The following SPON1 variants were observed in gnomAD, a reference collection of about 807,000 sequenced individuals.
SPON1 encodes spondin-1.
A neutral mutation model predicts 111.7 loss-of-function variants in SPON1; 52 were observed. The ratio of observed to expected loss-of-function variants is 0.47; its 90% CI spans 0.37 to 0.59. The LOEUF (loss-of-function observed/expected upper bound fraction) is 0.59. SPON1 is among the 20% of genes least tolerant of loss of function. The pLI, the probability that SPON1 is intolerant of heterozygous loss-of-function variation, is 0.00. For synonymous variants in SPON1, 410 were observed against 395.8 expected (o/e 1.04, Z -0.43); for missense variants, 957 against 1,068.5 (o/e 0.90, Z 1.46).
intron 2 of SPON1, among the ~76,000 whole-genome samples, chr11:14,011,376 A>C (rs1227918308): frequency 1.4e-5 from 2 of 147,560 alleles, no homozygotes; most frequent in South Asian, 4.3e-4. Context: ...AATCTAAGGA[A>C]AGCTATGTAC....
intron 6 of SPON1, among the ~76,000 whole-genome samples, chr11:14,182,465 A>G (rs1848244501): frequency 2.6e-5 from 4 of 152,200 alleles, no homozygotes; most frequent in Admixed American, 6.5e-5. Flanking sequence ...CCTGTCATTC[A>G]GTCCAGTTTC....
intron 2 of SPON1, among the ~76,000 whole-genome samples, chr11:13,989,476 T>C (rs569674005): frequency 2.0e-5 from 3 of 152,274 alleles, no homozygotes; most frequent in Admixed American, 2.0e-4. Context: ...TCTATTTTGT[T>C]GATCTTTTCA....
Position 14,075,367 on chromosome 11 carries a change from ATTATTTATTTTCAAGATG to A in SPON1, c.503_520del (p.Ile168_Glu174delinsLys), listed in dbSNP as rs782793997. ...CAGGGCCAGCATCGTACAAAAACGC[ATTATTTATTTTCAAGATG>A]AGGGCTCTCTGACCAAGAAACTTTG... On this transcript the variant is annotated inframe_deletion, in exon 4 of 16. Coordinates refer to ENST00000576479, the MANE Select transcript of SPON1 (RefSeq NM_006108.4). 14 of 1,560,636 alleles carry A rather than the reference ATTATTTATTTTCAAGATG, an allele frequency of 9.0e-6. No homozygotes were observed. The South Asian group carries it at 1.7e-4, about 18-fold the overall frequency.
At chr11:13,972,740 G>T (rs1027229694) in intron 1 of SPON1, among the ~76,000 whole-genome samples, 7 of 152,186 alleles carry the variant, frequency 4.6e-5, no homozygotes, top group African/African-American at 1.7e-4. Flanking sequence ...GAGCCTGCTG[G>T]TGATTCTTGT....
chr11:14,026,786 A>G (rs1436767278), intron 2 of SPON1, among the ~76,000 whole-genome samples: 3 of 152,200 alleles, frequency 2.0e-5, no homozygotes, highest in Non-Finnish European at 2.9e-5. Flanking sequence ...TTCTCAATGC[A>G]TTGTAAAATG....
chr11:14,001,097 G>A (rs564988555), intron 2 of SPON1, among the ~76,000 whole-genome samples: 9 of 152,046 alleles, frequency 5.9e-5, no homozygotes, highest in African/African-American at 1.2e-4. Context: ...GCAAACCTTC[G>A]CCACCTCCTT....
At chr11:13,994,579 G>A (rs1336074669) in intron 2 of SPON1, among the ~76,000 whole-genome samples, 2 of 152,232 alleles carry the variant, frequency 1.3e-5, no homozygotes, top group South Asian at 4.2e-4. Context: ...AGGTTAAATC[G>A]ATAGATCAAA....
At chr11:14,162,274 A>G (rs1554931470) in intron 6 of SPON1, among the ~76,000 whole-genome samples, 2 of 152,202 alleles carry the variant, frequency 1.3e-5, no homozygotes, top group Non-Finnish European at 2.9e-5. Context: ...ACACTAACCA[A>G]TGTATATATA....
chr11:14,064,411 T>C lies in SPON1; in HGVS notation c.480-10934T>C, dbSNP rs533695624. On this transcript the variant is annotated intron_variant, in intron 3 of 15. Coordinates refer to ENST00000576479, the MANE Select transcript of SPON1 (RefSeq NM_006108.4). The stretch of plus-strand genomic sequence containing the variant: ...GAGGAGGAAGTGAGATGGTGACAGA[T>C]GATTGGGATCTGACGAGGCAGAGAG... 2.0e-4 allele frequency among the ~76,000 whole-genome samples: 30 copies of C among 152,200 alleles called. No individual in the cohort carries two copies. The South Asian group carries it at 6.0e-3, about 31-fold the overall frequency.
chr11:14,184,747 A>C (rs1848268511), intron 6 of SPON1, among the ~76,000 whole-genome samples: 1 of 152,106 alleles, frequency 6.6e-6, no homozygotes, highest in African/African-American at 2.4e-5. Flanking sequence ...CCTCATCCCA[A>C]GGTCATTCTC....
At chr11:14,011,328 G>A (rs1554913709) in intron 2 of SPON1, among the ~76,000 whole-genome samples, 1 of 152,116 alleles carries the variant, frequency 6.6e-6, no homozygotes, top group African/African-American at 2.4e-5. Flanking sequence ...AATTTTTCAG[G>A]TAACCATATA....
At chr11:14,057,269 G>A (rs781831818) in intron 3 of SPON1, among the ~76,000 whole-genome samples, 6 of 152,202 alleles carry the variant, frequency 3.9e-5, no homozygotes, top group Non-Finnish European at 7.3e-5. Flanking sequence ...CCACTTCTGT[G>A]ATATTCCTGC....
chr11:14,144,382 C>T (rs1847694265), intron 6 of SPON1, among the ~76,000 whole-genome samples: 1 of 152,068 alleles, frequency 6.6e-6, no homozygotes, highest in East Asian at 1.9e-4. Context: ...GTAATCCCAG[C>T]ATTTTGGGAG....
intron 2 of SPON1, among the ~76,000 whole-genome samples, chr11:13,990,638 C>T (rs546922472): frequency 1.4e-4 from 21 of 151,744 alleles, no homozygotes; most frequent in South Asian, 1.0e-3. Flanking sequence ...TTGTTTTTCC[C>T]GTTAGTTGAT....
intron 6 of SPON1, among the ~76,000 whole-genome samples, chr11:14,171,962 T>A (rs1332432072): frequency 1.3e-5 from 2 of 152,244 alleles, no homozygotes; most frequent in African/African-American, 4.8e-5. Context: ...AAAGAATGTA[T>A]ATCCTGTTGA....
chr11:14,025,644 G>A (rs1848512134), intron 2 of SPON1, among the ~76,000 whole-genome samples: 1 of 152,146 alleles, frequency 6.6e-6, no homozygotes, highest in Admixed American at 6.5e-5. Context: ...GAGAGGCAAA[G>A]ATAAAGGGTC....
At chr11:14,088,263 G>A (rs1849022441) in intron 5 of SPON1, among the ~76,000 whole-genome samples, 1 of 152,108 alleles carries the variant, frequency 6.6e-6, no homozygotes, top group South Asian at 2.1e-4. Flanking sequence ...TGTGGTGGCT[G>A]GTGCCAGTTT....
At chr11:14,064,642 G>C (rs1047707754) in intron 3 of SPON1, among the ~76,000 whole-genome samples, 4 of 152,186 alleles carry the variant, frequency 2.6e-5, no homozygotes, top group Non-Finnish European at 5.9e-5. Context: ...GCCACACCCT[G>C]TGCTGGGGTG....
chr11:14,035,981 A>G (rs1409804651), intron 2 of SPON1, among the ~76,000 whole-genome samples: 1 of 152,156 alleles, frequency 6.6e-6, no homozygotes, highest in Non-Finnish European at 1.5e-5. Context: ...GTGGTGATGA[A>G]ATGATGACTA....
Sources: allele counts gnomAD v4.1 joint callset (sites outside exome capture counted in the v4.1 genomes callset), GRCh38; gene constraint gnomAD v4.1.1; transcripts MANE v1.5; gene names NCBI Gene and HGNC (gene_info 2026-07-23, HGNC 2026-07-21).